Variants in SCIN observed in about 807,000 individuals in gnomAD.
SCIN encodes scinderin.
Under a neutral mutation model 91.8 loss-of-function variants are expected in SCIN, and 91 were observed. The ratio of observed to expected loss-of-function variants is 0.99; its 90% CI spans 0.84 to 1.18. SCIN has a LOEUF of 1.18. SCIN is among the 50% of genes most tolerant of loss of function. SCIN has a pLI of 0.00. For missense variants in SCIN, 1,087 were observed against 863.9 expected (o/e 1.26, Z -3.24); for synonymous variants, 367 against 312.6 (o/e 1.17, Z -1.84).
At chr7:12,574,436 G>A (rs957060706) in intron 1 of SCIN, among the ~76,000 whole-genome samples, 2 of 152,074 alleles carry the variant, frequency 1.3e-5, no homozygotes, top group Non-Finnish European at 2.9e-5. Flanking sequence ...CTTGAAGGAT[G>A]TTTTTGGTGG....
chr7:12,590,382 A>G (rs1426289525), intron 3 of SCIN, among the ~76,000 whole-genome samples: 5 of 152,126 alleles, frequency 3.3e-5, no homozygotes, highest in Non-Finnish European at 7.4e-5. Context: ...GTAACAGAGC[A>G]TATAGGACAG....
At chr7:12,575,265 A>T (rs1197077870) in intron 1 of SCIN, among the ~76,000 whole-genome samples, 3 of 150,422 alleles carry the variant, frequency 2.0e-5, no homozygotes, top group Non-Finnish European at 3.0e-5. Flanking sequence ...TAGGTCTCTT[A>T]GAGTTCACTA....
At chr7:12,578,019 C>T in intron 1 of SCIN, 45 bp from the exon 2 acceptor site, 3 of 1,473,332 alleles carry the variant, frequency 2.0e-6, no homozygotes, top group South Asian at 1.4e-5. Flanking sequence ...TGCCTTAATC[C>T]TTTCTCTTGC....
intron 4 of SCIN, among the ~76,000 whole-genome samples, chr7:12,615,739 T>C (rs535408310): frequency 6.6e-6 from 1 of 152,092 alleles, no homozygotes; most frequent in Non-Finnish European, 1.5e-5. Context: ...TCTTAATGTA[T>C]AGCATAGAAG....
chr7:12,601,702 C>T (rs1191247397), intron 3 of SCIN, among the ~76,000 whole-genome samples: 1 of 152,176 alleles, frequency 6.6e-6, no homozygotes, highest in Non-Finnish European at 1.5e-5. Context: ...TGAAGGCTTT[C>T]TTTCTGCATA....
At chr7:12,629,577 A>G (rs1054456289) in intron 9 of SCIN, among the ~76,000 whole-genome samples, 8 of 152,190 alleles carry the variant, frequency 5.3e-5, no homozygotes, top group African/African-American at 1.4e-4. Flanking sequence ...AAATTCACAG[A>G]GGTCCATCCT....
Position 12,570,753 on chromosome 7 carries a change from T to C in SCIN, c.-34T>C, listed in dbSNP as rs77365288. On this transcript the variant is annotated 5_prime_UTR_variant, in exon 1 of 16. Transcript: ENST00000297029. ...TCGGTTTAGTCCAAGATCAGCGATATCACGCGTCCCCCGGAGCATCGCGTG... is the reference window on the plus strand; with the variant it reads ...TCGGTTTAGTCCAAGATCAGCGATACCACGCGTCCCCCGGAGCATCGCGTG... 4.1e-3 allele frequency: 6,380 copies of C among 1,542,736 alleles called. 79 individuals carry two copies. Among genetic ancestry groups the C allele is most frequent in the African/African-American group, 0.028 (2,060 of 73,068 alleles).
chr7:12,655,569 C>T lies in SCIN; in HGVS notation c.*2854C>T, dbSNP rs1327126453. 1 of 152,094 alleles carries T rather than the reference C, an allele frequency of 6.6e-6. No individual in the cohort carries two copies. Among genetic ancestry groups the T allele is most frequent in the Admixed American group, 6.6e-5 (1 of 15,260 alleles). The allele number at this position is 152,094 out of a possible 1,614,324, so 9.4% of individuals were successfully genotyped here. On this transcript the variant is annotated 3_prime_UTR_variant, in exon 16 of 16. Coordinates refer to ENST00000297029, the MANE Select transcript of SCIN (RefSeq NM_001112706.3). ...AAATAATCATACTTTTATCTATCTA[C>T]CAGATTAGCAAATGTTAAAATATTA...
rs886388933 is a variant in SCIN at position 12,654,257 on chromosome 7, A to T, written c.*1542A>T. 1 of 152,152 alleles carries T rather than the reference A, an allele frequency of 6.6e-6. No individual in the cohort carries two copies. The highest frequency in any genetic ancestry group is 2.4e-5 in the African/African-American group (1 of 41,426). 9.4% of individuals were successfully genotyped at this position (152,152 alleles called of 1,614,324 possible). ...TAGAAGCTGCTGTCCCTTAGTATTG[A>T]ATATCTCTATTTTCTTTTAATCATA... On this transcript the variant is annotated 3_prime_UTR_variant, in exon 16 of 16. Transcript: ENST00000297029.
rs1436110456 is a variant in SCIN at position 12,570,868 on chromosome 7, G to C, written c.82G>C (p.Glu28Gln). Residue 28 changes from glutamate (E) to glutamine (Q), a missense_variant, in exon 1 of 16, where the codon GAG becomes CAG. Physicochemically the swap from Glu to Gln is conservative, Grantham distance 29. Coordinates refer to ENST00000297029, the MANE Select transcript of SCIN (RefSeq NM_001112706.3). ...GLQVWRIEKL[E>Q]LVPVPQSAHG... Reference sequence around the variant, plus strand: ...GCAGGTCTGGAGGATTGAGAAGCTGGAGCTGGTGCCCGTGCCCCAGAGCGC... The same window carrying C: ...GCAGGTCTGGAGGATTGAGAAGCTGCAGCTGGTGCCCGTGCCCCAGAGCGC... 6.4e-7 allele frequency: 1 copy of C among 1,551,512 alleles called. No individual in the cohort carries two copies.
In SCIN at chr7:12,576,306, A is replaced by G. The variant is rs17166183; in HGVS notation, c.200-1758A>G. On this transcript the variant is annotated intron_variant, in intron 1 of 15. Coordinates refer to ENST00000297029, the MANE Select transcript of SCIN (RefSeq NM_001112706.3). ...GTGTCAAATACTTAACTTTGACCAC[A>G]GCGAGTTCACAAAATTGTTATCACG... Among the ~76,000 whole-genome samples the G allele has an allele frequency of 8.7e-3, 1,329 of 152,172 alleles. 17 individuals carry two copies. The highest frequency in any genetic ancestry group is 0.031 in the African/African-American group (1,292 of 41,514).
At chr7:12,644,098 A>G (rs891089501) in intron 11 of SCIN, 40 bp from the exon 12 acceptor site, 1 of 1,552,218 alleles carries the variant, frequency 6.4e-7, no homozygotes. Flanking sequence ...GGGAGCAGCA[A>G]TGAATTTGAA....
At chr7:12,577,844 A>C in intron 1 of SCIN, 4 of 476,030 alleles carry the variant, frequency 8.4e-6, no homozygotes, top group Non-Finnish European at 1.1e-5. Context: ...CAACAGAGCA[A>C]CACCCTCTCT....
chr7:12,602,762 C>T (rs1014143322), intron 3 of SCIN, among the ~76,000 whole-genome samples: 1 of 152,096 alleles, frequency 6.6e-6, no homozygotes, highest in African/African-American at 2.4e-5. Flanking sequence ...GGTTGTCTTC[C>T]CTTGTTCCCT....
intron 1 of SCIN, among the ~76,000 whole-genome samples, chr7:12,576,600 T>A (rs1187283746): frequency 6.6e-6 from 1 of 152,186 alleles, no homozygotes; most frequent in African/African-American, 2.4e-5. Context: ...ACCTTGTCAC[T>A]ATAAAATTGT....
At chr7:12,609,270 T>C (rs1055574402) in intron 4 of SCIN, among the ~76,000 whole-genome samples, 14 of 152,178 alleles carry the variant, frequency 9.2e-5, no homozygotes, top group Non-Finnish European at 5.9e-5. Context: ...GACAATCCTA[T>C]ATGTGGAAAA....
rs938049593 is a variant in SCIN at position 12,655,638 on chromosome 7, T to C, written c.*2923T>C. On this transcript the variant is annotated 3_prime_UTR_variant, in exon 16 of 16. Transcript: ENST00000297029. ...AAATGTAGGGTTACAGGTTCACCCA[T>C]ACACTGTTAATAGATGTATAAACTG... The C allele has an allele frequency of 7.2e-5, 11 of 152,242 alleles. No individual in the cohort carries two copies. Among genetic ancestry groups the C allele is most frequent in the African/African-American group, 2.7e-4 (11 of 41,466 alleles). The allele number at this position is 152,242 out of a possible 1,614,324, so 9.4% of individuals were successfully genotyped here.
intron 13 of SCIN, among the ~76,000 whole-genome samples, chr7:12,647,907 A>G (rs904889332): frequency 1.3e-5 from 2 of 152,152 alleles, no homozygotes; most frequent in Admixed American, 6.5e-5. Context: ...AGGACACAAA[A>G]AGGCCCTTGC....
At chr7:12,590,039 T>A in intron 3 of SCIN, among the ~76,000 whole-genome samples, 1 of 152,094 alleles carries the variant, frequency 6.6e-6, no homozygotes, top group African/African-American at 2.4e-5. Flanking sequence ...CAGCATGGGA[T>A]ATGGAGACGC....
Sources: allele counts gnomAD v4.1 joint callset (sites outside exome capture counted in the v4.1 genomes callset), GRCh38; gene constraint gnomAD v4.1.1; transcripts MANE v1.5; gene names NCBI Gene and HGNC (gene_info 2026-07-23, HGNC 2026-07-21).